CNBD1: variants seen among roughly 807,000 people sequenced by gnomAD.
CNBD1 encodes the protein cyclic nucleotide binding domain containing 1.
Under a neutral mutation model 54.4 loss-of-function variants are expected in CNBD1, and 71 were observed. That is an observed-to-expected ratio of 1.30 (90% CI 1.08 to 1.59). The LOEUF is 1.59. CNBD1 is among the 40% of genes most tolerant of loss of function. The probability of loss-of-function intolerance (pLI) is 0.00; values close to 1 mark genes in which losing one functional copy is unlikely to be tolerated. For missense variants in CNBD1, 659 were observed against 518.0 expected, an observed-to-expected ratio of 1.27 and a Z score of -2.64; for synonymous variants, 182 against 170.7, an observed-to-expected ratio of 1.07 and a Z score of -0.51.
chr8:87,272,838 T>C, intron 6 of CNBD1, among the ~76,000 whole-genome samples: 1 of 152,092 alleles, frequency 6.6e-6, no homozygotes, highest in East Asian at 1.9e-4. Context: ...TTTAAAAAAT[T>C]TATGATTATT....
At chr8:87,107,972 CTATT>C (rs1811576872) in intron 4 of CNBD1, among the ~76,000 whole-genome samples, 1 of 152,188 alleles carries the variant, frequency 6.6e-6, no homozygotes, top group East Asian at 1.9e-4. Flanking sequence ...ACCTATCCCT[CTATT>C]TGTTTGTTTC....
At position 87,353,751 on chromosome 8, in the gene CNBD1, T is replaced by A. The variant is rs374539320; in HGVS notation, c.1268T>A (p.Val423Asp). Residue 423 changes from valine (V) to aspartate (D), a missense_variant, in exon 10 of 11, where the codon GTT becomes GAT. By Grantham distance (152) the Val-to-Asp change is radical. Transcript: ENST00000518476. ...TGCACAATCATTACCAAAAAAGAAGTTGAGATGGCAATCATTGAAGATAAG... is the reference window on the plus strand; with the variant it reads ...TGCACAATCATTACCAAAAAAGAAGATGAGATGGCAATCATTGAAGATAAG... Reference protein sequence around the residue: ...FTCTIITKKEVEMAIIEDKDL... With the variant: ...FTCTIITKKEDEMAIIEDKDL... The A allele has an allele frequency of 1.6e-4, 254 of 1,610,586 alleles. No homozygotes were observed. The highest frequency in any genetic ancestry group is 2.0e-4 in the Non-Finnish European group (239 of 1,178,490).
chr8:87,134,930 A>G (rs531918074), intron 4 of CNBD1, among the ~76,000 whole-genome samples: 8 of 152,192 alleles, frequency 5.3e-5, no homozygotes, highest in African/African-American at 1.9e-4. Context: ...TTAATCTTGA[A>G]AACAAACTTA....
intron 4 of CNBD1, among the ~76,000 whole-genome samples, chr8:87,017,616 T>C (rs1258455684): frequency 2.6e-5 from 4 of 152,114 alleles, no homozygotes; most frequent in Non-Finnish European, 5.9e-5. Context: ...TTGTAAGGAG[T>C]TGCTAAACTC....
chr8:87,393,577 C>G (rs116294283), intron 2 of CNBD1, among the ~76,000 whole-genome samples: 2,865 of 151,774 alleles, frequency 0.019, 92 homozygotes, highest in African/African-American at 0.062. Context: ...GGTTTGGACA[C>G]AATAATAGTC....
At chr8:87,109,613 A>C (rs1447166508) in intron 4 of CNBD1, among the ~76,000 whole-genome samples, 1 of 145,122 alleles carries the variant, frequency 6.9e-6, no homozygotes, top group Non-Finnish European at 1.5e-5. Context: ...ATCTTGGCTC[A>C]CTGCAAGCTC....
intron 5 of CNBD1, among the ~76,000 whole-genome samples, chr8:87,207,124 G>A (rs771501753): frequency 4.6e-5 from 7 of 151,942 alleles, no homozygotes; most frequent in Non-Finnish European, 1.0e-4. Flanking sequence ...AATTTTAAAG[G>A]GGATAAAATA....
At chr8:87,134,758 A>G (rs1812192899) in intron 4 of CNBD1, among the ~76,000 whole-genome samples, 1 of 151,126 alleles carries the variant, frequency 6.6e-6, no homozygotes, top group South Asian at 2.1e-4. Context: ...GCCAGTCACC[A>G]TGCCAGGCTA....
intron 1 of CNBD1, among the ~76,000 whole-genome samples, chr8:86,874,082 A>G (rs1808481276): frequency 1.3e-5 from 2 of 152,166 alleles, no homozygotes; most frequent in African/African-American, 4.8e-5. Context: ...TTTTCTGGTC[A>G]ATGTGTCTGT....
chr8:87,165,740 A>G (rs886351217), intron 4 of CNBD1, among the ~76,000 whole-genome samples: 2 of 151,814 alleles, frequency 1.3e-5, no homozygotes, highest in Non-Finnish European at 2.9e-5. Context: ...CTCCTTCTTT[A>G]CCCTAGCACT....
At chr8:87,152,620 C>T (rs969810126) in intron 4 of CNBD1, among the ~76,000 whole-genome samples, 6 of 152,170 alleles carry the variant, frequency 3.9e-5, no homozygotes, top group African/African-American at 1.4e-4. Context: ...CTGAAAACTC[C>T]CAAGCCCTCT....
At chr8:87,423,904 C>A (rs887646542) in intron 2 of CNBD1, among the ~76,000 whole-genome samples, 22 of 152,298 alleles carry the variant, frequency 1.4e-4, no homozygotes, top group Middle Eastern at 6.8e-3. Context: ...GCCATCTAGT[C>A]CTGGACTCTT....
intron 10 of CNBD1, among the ~76,000 whole-genome samples, chr8:87,371,061 G>T (rs1434701168): frequency 1.3e-5 from 2 of 150,454 alleles, no homozygotes; most frequent in Admixed American, 6.6e-5. Flanking sequence ...TATTTCTGAG[G>T]GCTGTGTTCT....
intron 8 of CNBD1, among the ~76,000 whole-genome samples, chr8:87,337,283 T>C (rs1318872955): frequency 1.3e-5 from 2 of 152,018 alleles, no homozygotes; most frequent in Non-Finnish European, 2.9e-5. Flanking sequence ...CTGCCCGGAG[T>C]TATCAGAGCT....
chr8:87,215,689 G>A (rs773559905), intron 5 of CNBD1, among the ~76,000 whole-genome samples: 99 of 152,042 alleles, frequency 6.5e-4, no homozygotes, highest in Non-Finnish European at 1.1e-3. Context: ...AAAATTCAAC[G>A]GAATTGTACA....
intron 8 of CNBD1, among the ~76,000 whole-genome samples, chr8:87,302,500 G>A (rs1283383579): frequency 6.6e-6 from 1 of 151,794 alleles, no homozygotes; most frequent in Non-Finnish European, 1.5e-5. Flanking sequence ...AAAATAATAA[G>A]AGCTATTTAT....
intron 2 of CNBD1, among the ~76,000 whole-genome samples, chr8:87,405,030 A>G (rs1046836043): frequency 2.0e-5 from 3 of 152,044 alleles, no homozygotes; most frequent in African/African-American, 7.2e-5. Flanking sequence ...TAAAACTGCT[A>G]TCTTATATAT....
chr8:87,421,619 G>T (rs1032915940), intron 2 of CNBD1, among the ~76,000 whole-genome samples: 1 of 151,856 alleles, frequency 6.6e-6, no homozygotes, highest in South Asian at 2.1e-4. Flanking sequence ...CATTTTTATG[G>T]CTGCATAGTA....
chr8:87,346,615 A>C (rs1343913627), intron 8 of CNBD1, among the ~76,000 whole-genome samples: 1 of 148,948 alleles, frequency 6.7e-6, no homozygotes, highest in Non-Finnish European at 1.5e-5. Context: ...GTGTGTCTGC[A>C]TATATATATA....
Sources: gnomAD v4.1 joint callset for allele counts (sites outside exome capture counted in the v4.1 genomes callset) on GRCh38, gnomAD v4.1.1 for gene constraint, MANE v1.5 for transcripts, NCBI Gene and HGNC (gene_info 2026-07-23, HGNC 2026-07-21) for gene names.